HS2ST1: variants seen among roughly 807,000 people sequenced by gnomAD.
HS2ST1 encodes the protein heparan sulfate 2-O-sulfotransferase 1, also known as 2-O-sulfotransferase.
In HS2ST1, 18 loss-of-function variants were observed where a neutral mutation model predicts 42.9. The observed-to-expected ratio is 0.42, with a 90% CI of 0.29 to 0.62. The LOEUF (loss-of-function observed/expected upper bound fraction) is 0.62. Among genes scored for constraint, HS2ST1 ranks in the 20% least tolerant of loss-of-function variants. The probability of loss-of-function intolerance (pLI) is 0.21; values close to 1 mark genes in which losing one functional copy is unlikely to be tolerated. For missense variants in HS2ST1, 334 were observed against 433.8 expected (o/e 0.77, Z 2.04); for synonymous variants, 146 against 152.9 (o/e 0.95, Z 0.33).
chr1:87,065,010 G>A lies in HS2ST1; in HGVS notation c.125-7924G>A, dbSNP rs115355375. Among the ~76,000 whole-genome samples, 363 of 152,294 alleles carry A rather than the reference G, an allele frequency of 2.4e-3. 3 individuals are homozygous for A. Among genetic ancestry groups the A allele is most frequent in the African/African-American group, 6.6e-3 (275 of 41,560 alleles). On this transcript the variant is annotated intron_variant, in intron 1 of 6. Transcript: ENST00000370550. ...AGAAAATAGTGTATACAGTCAGACAGTCAATTTACTTAATTCTCAGTGATT... is the reference window on the plus strand; with the variant it reads ...AGAAAATAGTGTATACAGTCAGACAATCAATTTACTTAATTCTCAGTGATT...
At chr1:86,976,882 G>A (rs978815070) in intron 1 of HS2ST1, among the ~76,000 whole-genome samples, 1 of 151,174 alleles carries the variant, frequency 6.6e-6, no homozygotes, top group Non-Finnish European at 1.5e-5. Flanking sequence ...TCCAGCCTGG[G>A]CAGCATAGTG....
intron 1 of HS2ST1, chr1:87,046,263 G>A (rs11161927): frequency 0.02 from 15,103 of 770,150 alleles, 377 homozygotes; most frequent in African/African-American, 0.088. Flanking sequence ...CAAGTGTTAC[G>A]AATGTCATCC....
chr1:87,088,514 T>C (rs1651866255), intron 3 of HS2ST1, among the ~76,000 whole-genome samples: 1 of 152,100 alleles, frequency 6.6e-6, no homozygotes, highest in African/African-American at 2.4e-5. Flanking sequence ...TGAATAAAGC[T>C]GTCAAAACAT....
chr1:86,925,506 C>T (rs1489161287), intron 1 of HS2ST1, among the ~76,000 whole-genome samples: 1 of 152,190 alleles, frequency 6.6e-6, no homozygotes, highest in African/African-American at 2.4e-5. Flanking sequence ...CTGGGGAAAC[C>T]TCACAATCAT....
chr1:87,107,615 G>A lies in HS2ST1; in HGVS notation c.*2919G>A, dbSNP rs1236766048. The A allele has an allele frequency of 7.2e-6, 1 of 138,456 alleles. No individual in the cohort carries two copies. Among genetic ancestry groups the A allele is most frequent in the Non-Finnish European group, 1.5e-5 (1 of 64,796 alleles). The allele number at this position is 138,456 out of a possible 1,614,324, so 8.6% of individuals were successfully genotyped here. ...AACCACTTGGAATTTTAAAGATAAT[G>A]TTATGTGTGTATGTGAAATATATAT... On this transcript the variant is annotated 3_prime_UTR_variant, in exon 7 of 7. Transcript: ENST00000370550.
At chr1:86,947,763 C>A (rs1647383769) in intron 1 of HS2ST1, among the ~76,000 whole-genome samples, 1 of 151,944 alleles carries the variant, frequency 6.6e-6, no homozygotes, top group African/African-American at 2.4e-5. Context: ...TTTATTTAAT[C>A]CTCTCACCAA....
intron 1 of HS2ST1, among the ~76,000 whole-genome samples, chr1:86,950,122 A>G (rs78012646): frequency 0.024 from 3,597 of 152,340 alleles, 75 homozygotes; most frequent in African/African-American, 0.049. Flanking sequence ...GTTTAACTTA[A>G]TGCTCTAACT....
intron 1 of HS2ST1, among the ~76,000 whole-genome samples, chr1:87,005,719 A>G (rs1272739397): frequency 6.6e-6 from 1 of 152,192 alleles, no homozygotes. Flanking sequence ...CTCCTAAATT[A>G]TAATTACATA....
At chr1:87,017,820 C>T (rs963107460) in intron 1 of HS2ST1, among the ~76,000 whole-genome samples, 1 of 151,896 alleles carries the variant, frequency 6.6e-6, no homozygotes, top group Non-Finnish European at 1.5e-5. Context: ...ATATATGTGT[C>T]CTTTCTTCTG....
At chr1:86,996,661 G>A (rs953243182) in intron 1 of HS2ST1, among the ~76,000 whole-genome samples, 9 of 152,024 alleles carry the variant, frequency 5.9e-5, no homozygotes, top group Non-Finnish European at 1.3e-4. Context: ...AGATAACAAA[G>A]CATATGGAGA....
At chr1:87,003,206 C>T (rs1649341677) in intron 1 of HS2ST1, among the ~76,000 whole-genome samples, 2 of 152,096 alleles carry the variant, frequency 1.3e-5, no homozygotes, top group Non-Finnish European at 2.9e-5. Flanking sequence ...TAAAGTAGAA[C>T]ATAAGATTAA....
chr1:86,947,631 T>C (rs2807951), intron 1 of HS2ST1, among the ~76,000 whole-genome samples: 17,897 of 151,810 alleles, frequency 0.12, 1,716 homozygotes, highest in African/African-American at 0.26. Flanking sequence ...CATGTTTTAA[T>C]TTCAGCAAAT....
intron 1 of HS2ST1, among the ~76,000 whole-genome samples, chr1:86,933,793 C>G (rs148268807): frequency 3.4e-4 from 51 of 150,750 alleles, no homozygotes; most frequent in African/African-American, 1.2e-3. Context: ...GCCTAGAGGC[C>G]TATCTGGCTA....
intron 1 of HS2ST1, among the ~76,000 whole-genome samples, chr1:87,070,560 C>G (rs1269099971): frequency 6.6e-6 from 1 of 152,144 alleles, no homozygotes; most frequent in African/African-American, 2.4e-5. Context: ...CCACTGCACT[C>G]CAGCCTGGGT....
intron 1 of HS2ST1, among the ~76,000 whole-genome samples, chr1:87,054,271 C>T (rs899723026): frequency 1.3e-5 from 2 of 152,154 alleles, no homozygotes; most frequent in Non-Finnish European, 2.9e-5. Flanking sequence ...TCTAATATTT[C>T]TGAAACTCTT....
intron 1 of HS2ST1, among the ~76,000 whole-genome samples, chr1:87,028,108 A>T (rs1179943405): frequency 6.6e-6 from 1 of 152,242 alleles, no homozygotes; most frequent in Non-Finnish European, 1.5e-5. Context: ...TTTATTTTAA[A>T]GTTTAAACCA....
intron 1 of HS2ST1, among the ~76,000 whole-genome samples, chr1:86,969,985 C>T (rs1345819808): frequency 4.6e-5 from 7 of 151,884 alleles, no homozygotes; most frequent in East Asian, 1.9e-4. Context: ...ATTAGCCAGG[C>T]GTGGTGGCAC....
Position 86,915,177 on chromosome 1 carries a change from C to G in HS2ST1, c.124+17C>G. The G allele has an allele frequency of 1.2e-6, 2 of 1,608,342 alleles. No homozygotes were observed. The highest frequency in any genetic ancestry group is 1.7e-6 in the Non-Finnish European group (2 of 1,176,896). ...CGAAGCTAGGTGAGGAACTGAACTG[C>G]CCCGGGCTGAGTGCTGTGGAAGGGG... On this transcript the variant is annotated intron_variant, in intron 1 of 6. Coordinates refer to ENST00000370550, the MANE Select transcript of HS2ST1 (RefSeq NM_012262.4).
intron 1 of HS2ST1, among the ~76,000 whole-genome samples, chr1:86,924,090 A>T (rs1557481081): frequency 6.6e-6 from 1 of 152,224 alleles, no homozygotes; most frequent in Non-Finnish European, 1.5e-5. Context: ...TCCAAGTGGG[A>T]GAAATTGGCC....
Sources: allele counts gnomAD v4.1 joint callset (sites outside exome capture counted in the v4.1 genomes callset), GRCh38; gene constraint gnomAD v4.1.1; transcripts MANE v1.5; gene names NCBI Gene and HGNC (gene_info 2026-07-23, HGNC 2026-07-21).